The following SH2D5 variants were observed in gnomAD, a reference collection of about 807,000 sequenced individuals.
The protein encoded by SH2D5 is SH2 domain containing 5, also known as SH2 domain-containing protein 5.
In SH2D5, 45 loss-of-function variants were observed where a neutral mutation model predicts 48.2. The ratio of observed to expected loss-of-function variants is 0.93; its 90% confidence interval spans 0.73 to 1.20. The LOEUF (loss-of-function observed/expected upper bound fraction) is 1.20, where lower values mean the gene tolerates loss of function less well. Ranked by LOEUF, SH2D5 falls within the 50% of genes most tolerant of loss-of-function variation. SH2D5 has a pLI of 0.00. For missense variants in SH2D5, 538 were observed against 584.1 expected, an observed-to-expected ratio of 0.92 and a Z score of 0.81; for synonymous variants, 230 against 249.8, an observed-to-expected ratio of 0.92 and a Z score of 0.75.
intron 1 of SH2D5, among the ~76,000 whole-genome samples, chr1:20,730,224 G>A (rs1175740055): frequency 4.6e-5 from 7 of 150,832 alleles, no homozygotes; most frequent in African/African-American, 1.7e-4. Flanking sequence ...GGCAGGAACA[G>A]AGAAGGGCGA....
In SH2D5 at chr1:20,721,851, G is replaced by T; in HGVS notation, c.1213C>A (p.Arg405=). 1 of 1,611,698 alleles carries T rather than the reference G, an allele frequency of 6.2e-7. No individual in the cohort carries two copies. Among genetic ancestry groups the T allele is most frequent in the Non-Finnish European group, 8.5e-7 (1 of 1,179,490 alleles). The stretch of plus-strand genomic sequence containing the variant: ...GCATGGCTGAGGGGCCGGAGAGTCC[G>T]GGGCGGCCTGCCTGGGGGCCCACAG... ...QDCGPPGRPP[R]TLRPLSHAKS... The change falls in exon 10 of 10, where the codon CGG becomes AGG. Residue 405 remains arginine (R), a synonymous_variant. Coordinates refer to ENST00000444387, the MANE Select transcript of SH2D5 (RefSeq NM_001103161.2).
At position 20,722,000 on chromosome 1, in the gene SH2D5, G is replaced by T; in HGVS notation, c.1069-5C>A. On this transcript the variant is annotated splice_region_variant and splice_polypyrimidine_tract_variant and intron_variant, in intron 9 of 9. Transcript: ENST00000444387. ...GGGGAACTCTGCCGGCAGGTGCTAG[G>T]GGAGGAAGGGACTTCAGCTCCAGTC... is the stretch of plus-strand genomic sequence containing the variant. The T allele has an allele frequency of 6.2e-7, 1 of 1,611,482 alleles. No individual in the cohort carries two copies.
rs570257258 is a variant in SH2D5, at chr1:20,728,004, C to A, written c.41G>T (p.Cys14Phe). The change falls in exon 2 of 10, where the codon TGC becomes TTC. Residue 14 changes from cysteine to phenylalanine, a missense_variant. Physicochemically the swap from Cys to Phe is radical, Grantham distance 205 (BLOSUM62 -2). Coordinates refer to ENST00000444387, the MANE Select transcript of SH2D5 (RefSeq NM_001103161.2). This position sits in a 1 kb window ranked among gnomAD's most constrained non-coding sequence, Gnocchi z 4.3. Reference protein sequence around the residue: ...AGAGGRRASDCGLAPHRPRCI... With the variant: ...AGAGGRRASDFGLAPHRPRCI... Reference sequence around the variant, plus strand: ...CCTGGGCCGGTGAGGGGCCAGCCCGCAGTCAGAGGCCCTGCGGCCCCCAGC... The same window carrying A: ...CCTGGGCCGGTGAGGGGCCAGCCCGAAGTCAGAGGCCCTGCGGCCCCCAGC... 2 of 1,568,022 alleles carry A rather than the reference C, an allele frequency of 1.3e-6. No homozygotes were observed. Among genetic ancestry groups the A allele is most frequent in the Admixed American group, 1.9e-5 (1 of 54,000 alleles).
At chr1:20,727,187 C>T (rs908660821) in intron 3 of SH2D5, 112 bp from the exon 4 acceptor site, 5 of 913,858 alleles carry the variant, frequency 5.5e-6, no homozygotes, top group Non-Finnish European at 8.2e-6. Context: ...CCACCCCTGG[C>T]AGGGGGTGGG....
rs1377743612 is a variant in SH2D5, at chr1:20,732,309, G to C, written c.-171C>G. The C allele has an allele frequency of 6.6e-6, 1 of 152,194 alleles. No individual in the cohort carries two copies. The highest frequency in any genetic ancestry group is 1.5e-5 in the Non-Finnish European group (1 of 68,056). The allele number at this position is 152,194 out of a possible 1,614,324, so 9.4% of individuals were successfully genotyped here. On this transcript the variant is annotated 5_prime_UTR_variant, in exon 1 of 10. Transcript: ENST00000444387. The surrounding 1 kb of genome is among the most constrained non-coding windows in gnomAD (Gnocchi z 5.1). ...GAGGGGCTCGCCCGGAGCTCAGAAG[G>C]CACCTCCTCCCGGGCTGGGGGCGCT...
rs1201472819 is a variant in SH2D5, at chr1:20,729,023, C to T, written c.-42-937G>A. Reference sequence around the variant, plus strand: ...CAACTGCCCTGGGGGCTGAGGACCACCCCCCACCGTCCAGCCCAGCCAGGT... The same window carrying T: ...CAACTGCCCTGGGGGCTGAGGACCATCCCCCACCGTCCAGCCCAGCCAGGT... On this transcript the variant is annotated intron_variant, in intron 1 of 9. Transcript: ENST00000444387. This position sits in a 1 kb window ranked among gnomAD's most constrained non-coding sequence, Gnocchi z 4.2. Among the ~76,000 whole-genome samples, 2 of 152,080 alleles carry T rather than the reference C, an allele frequency of 1.3e-5. No homozygotes were observed. The highest frequency in any genetic ancestry group is 3.9e-4 in the East Asian group (2 of 5,182).
rs1272814675 is a variant in SH2D5 at position 20,729,285 on chromosome 1, C to G, written c.-42-1199G>C. ...TCAGCTCCCTCGGTCTCTCCTGGGACCAGTGAGAAAGCCACCTCTGTGTCC... is the reference window on the plus strand; with the variant it reads ...TCAGCTCCCTCGGTCTCTCCTGGGAGCAGTGAGAAAGCCACCTCTGTGTCC... On this transcript the variant is annotated intron_variant, in intron 1 of 9. Coordinates refer to ENST00000444387, the MANE Select transcript of SH2D5 (RefSeq NM_001103161.2). The surrounding 1 kb of genome is among the most constrained non-coding windows in gnomAD (Gnocchi z 4.2). 6.6e-6 allele frequency among the ~76,000 whole-genome samples: 1 copy of G among 152,210 alleles called. No homozygotes were observed. The highest frequency in any genetic ancestry group is 1.9e-4 in the East Asian group (1 of 5,192).
At chr1:20,727,675 TCC>T in intron 2 of SH2D5, 72 bp from the exon 3 acceptor site, 1 of 1,370,934 alleles carries the variant, frequency 7.3e-7, no homozygotes, top group Non-Finnish European at 1.0e-6. Flanking sequence ...TCCTCCAAAT[TCC>T]CCCCAAACAC....
intron 8 of SH2D5, 98 bp downstream of exon 8, chr1:20,723,528 C>A: frequency 1.1e-6 from 1 of 910,980 alleles, no homozygotes; most frequent in Admixed American, 2.4e-5. Flanking sequence ...GAGCGCTCTG[C>A]CCGTGCACGG....
rs1317500353 is a variant in SH2D5 at position 20,726,015 on chromosome 1, G to A, written c.295C>T (p.Pro99Ser). ...ATGAAGGCAAACTGGCAGTCGGCAG[G>A]GCACCAGGTGGAGTAGAGTATGCGC... ...LRRILYSTWC[P>S]ADCQFAFMAR... The change falls in exon 5 of 10, where the codon CCT becomes TCT. Residue 99 changes from proline to serine, a missense_variant. Coordinates refer to ENST00000444387, the MANE Select transcript of SH2D5 (RefSeq NM_001103161.2). 1.2e-6 allele frequency: 2 copies of A among 1,611,998 alleles called. No homozygotes were observed. Among genetic ancestry groups the A allele is most frequent in the Non-Finnish European group, 1.7e-6 (2 of 1,179,456 alleles).
At position 20,721,822 on chromosome 1, in the gene SH2D5, C is replaced by T. The variant is rs758722691; in HGVS notation, c.1242G>A (p.Lys414=). The T allele has an allele frequency of 8.1e-6, 13 of 1,602,392 alleles. No individual in the cohort carries two copies. The highest frequency in any genetic ancestry group is 1.1e-5 in the Non-Finnish European group (13 of 1,174,360). The change falls in exon 10 of 10, where the codon AAG becomes AAA. Residue 414 remains lysine, a synonymous_variant. Coordinates refer to ENST00000444387, the MANE Select transcript of SH2D5 (RefSeq NM_001103161.2). ...CCAGGCCCTGCAGCTCTGCCTCGGA[C>T]TTGGCATGGCTGAGGGGCCGGAGAG... ...PRTLRPLSHA[K]SEAELQGLG
intron 5 of SH2D5, among the ~76,000 whole-genome samples, chr1:20,724,846 CT>C (rs1440653121): frequency 6.6e-6 from 1 of 152,240 alleles, no homozygotes; most frequent in Non-Finnish European, 1.5e-5. Context: ...TTAACAAACA[CT>C]GAGGACCTAC....
chr1:20,724,854 C>T (rs919372773), intron 5 of SH2D5, among the ~76,000 whole-genome samples: 2 of 152,244 alleles, frequency 1.3e-5, no homozygotes, highest in Admixed American at 6.5e-5. Context: ...CACTGAGGAC[C>T]TACTGTGGTC....
chr1:20,723,790 C>T (rs1381948763), intron 7 of SH2D5, 56 bp from the exon 8 acceptor site: 23 of 1,417,060 alleles, frequency 1.6e-5, no homozygotes, highest in East Asian at 2.4e-5. Flanking sequence ...CCATTCCCTG[C>T]GGCCGCAGGC....
rs778356772 is a variant in SH2D5 at position 20,721,778 on chromosome 1, C to G, written c.*14G>C. 5 of 1,513,846 alleles carry G rather than the reference C, an allele frequency of 3.3e-6. No individual in the cohort carries two copies. Among genetic ancestry groups the G allele is most frequent in the Non-Finnish European group, 4.4e-6 (5 of 1,125,660 alleles). 93.8% of individuals were successfully genotyped at this position (1,513,846 alleles called of 1,614,324 possible). On this transcript the variant is annotated 3_prime_UTR_variant, in exon 10 of 10. Coordinates refer to ENST00000444387, the MANE Select transcript of SH2D5 (RefSeq NM_001103161.2). ...CGGGGTGAGGCGGGGCCTGTGGGAC[C>G]GGGGCCCTACCTCTTAGCCCAGGCC...
intron 3 of SH2D5, 100 bp downstream of exon 3, chr1:20,727,423 G>T: frequency 1.7e-6 from 2 of 1,174,464 alleles, no homozygotes; most frequent in Non-Finnish European, 2.5e-6. Flanking sequence ...CCTGTGTCCT[G>T]CCCCTCTCTA....
rs375004367 is a variant in SH2D5 at position 20,724,063 on chromosome 1, G to A, written c.799+20C>T. 1 of 1,606,016 alleles carries A rather than the reference G, an allele frequency of 6.2e-7. No individual in the cohort carries two copies. Among genetic ancestry groups the A allele is most frequent in the South Asian group, 1.1e-5 (1 of 90,882 alleles). On this transcript the variant is annotated intron_variant, in intron 7 of 9. Coordinates refer to ENST00000444387, the MANE Select transcript of SH2D5 (RefSeq NM_001103161.2). ...ACGTGTCCCAGGTACACACAGGGCA[G>A]GCATGTTCCCACAACTCACAGGCCT...
chr1:20,731,465 G>GCT, intron 1 of SH2D5: 1 of 152,380 alleles, frequency 6.6e-6, no homozygotes, highest in Non-Finnish European at 1.5e-5. Flanking sequence ...GGTGCTCGTA[G>GCT]CTCTGGTCCT....
At chr1:20,723,819 G>T in intron 7 of SH2D5, 85 bp from the exon 8 acceptor site, 1 of 1,197,596 alleles carries the variant, frequency 8.4e-7, no homozygotes, top group Non-Finnish European at 1.2e-6. Flanking sequence ...CCAGGGTGGT[G>T]TCCTCCCCAA....
Sources: allele counts gnomAD v4.1 joint callset (sites outside exome capture counted in the v4.1 genomes callset), GRCh38; gene constraint gnomAD v4.1.1; non-coding constraint Gnocchi (gnomAD v3.1); transcripts MANE v1.5; gene names NCBI Gene and HGNC (gene_info 2026-07-23, HGNC 2026-07-21).